LDB2: variants seen among roughly 807,000 people sequenced by gnomAD.
LDB2 encodes LIM domain binding 2, also known as LIM domain-binding protein 2.
LDB2 carries 12 observed loss-of-function variants against 44.3 expected under a neutral mutation model. The observed-to-expected ratio is 0.27, with a 90% CI of 0.17 to 0.44. The LOEUF is 0.44. LDB2 is among the 20% of genes least tolerant of loss of function. The pLI, the probability that LDB2 is intolerant of heterozygous loss-of-function variation, is 1.00. For synonymous variants in LDB2, 164 were observed against 174.8 expected (o/e 0.94, Z 0.49); for missense variants, 344 against 473.5 (o/e 0.73, Z 2.54).
intron 2 of LDB2, among the ~76,000 whole-genome samples, chr4:16,735,394 A>G (rs1373210207): frequency 3.9e-5 from 6 of 152,066 alleles, no homozygotes; most frequent in Non-Finnish European, 7.4e-5. Context: ...TAAATAAATG[A>G]GTAAGAAAGA....
At chr4:16,856,605 T>C (rs80314633) in intron 1 of LDB2, among the ~76,000 whole-genome samples, 329 of 152,332 alleles carry the variant, frequency 2.2e-3, no homozygotes, top group African/African-American at 7.0e-3. Flanking sequence ...ATAGCTGTGT[T>C]ACAATAAAAC....
intron 5 of LDB2, among the ~76,000 whole-genome samples, chr4:16,523,319 T>G (rs999616082): frequency 6.6e-6 from 1 of 152,198 alleles, no homozygotes; most frequent in Non-Finnish European, 1.5e-5. Flanking sequence ...CAAGAATTTC[T>G]TTATCTTTCT....
chr4:16,638,312 C>T (rs1450782772), intron 2 of LDB2, among the ~76,000 whole-genome samples: 1 of 152,222 alleles, frequency 6.6e-6, no homozygotes, highest in Admixed American at 6.5e-5. Context: ...GTGACATCCT[C>T]AAGTGCTGTA....
Position 16,542,100 on chromosome 4 carries a change from G to GT in LDB2, c.616-29997dup, listed in dbSNP as rs1179885914. Among the ~76,000 whole-genome samples, 7 of 100,326 alleles carry GT rather than the reference G, an allele frequency of 7.0e-5. 1 individual carries two copies. In the East Asian group the frequency reaches 1.1e-3, roughly 16 times the overall value. 65.8% of individuals were successfully genotyped at this position (100,326 alleles called of 152,430 possible). A position where few individuals can be genotyped will look rare whatever the true frequency, so the allele number is the denominator to read the frequency against. On this transcript the variant is annotated intron_variant, in intron 5 of 7. Transcript: ENST00000304523. ...ATCCTCCTTCCAATTACATCAGGTGGTGGGGGGGGGGGCGCGAGCAGGAGG... is the reference window on the plus strand; with the variant it reads ...ATCCTCCTTCCAATTACATCAGGTGGTTGGGGGGGGGGGCGCGAGCAGGAGG...
At chr4:16,620,853 G>A (rs1165969066) in intron 2 of LDB2, among the ~76,000 whole-genome samples, 2 of 152,180 alleles carry the variant, frequency 1.3e-5, no homozygotes, top group African/African-American at 4.8e-5. Flanking sequence ...TTTGCCTGAA[G>A]ACATAAGCCA....
At chr4:16,874,804 A>T (rs1717879987) in intron 1 of LDB2, among the ~76,000 whole-genome samples, 1 of 152,234 alleles carries the variant, frequency 6.6e-6, no homozygotes, top group Admixed American at 6.5e-5. Flanking sequence ...CTAAACCATT[A>T]GACCCTGAGT....
At chr4:16,622,907 T>A (rs1210522916) in intron 2 of LDB2, among the ~76,000 whole-genome samples, 2 of 152,230 alleles carry the variant, frequency 1.3e-5, no homozygotes, top group African/African-American at 4.8e-5. Flanking sequence ...TGATCTCAAC[T>A]CTGATTAACT....
intron 6 of LDB2, among the ~76,000 whole-genome samples, chr4:16,509,766 A>C (rs923196978): frequency 2.0e-5 from 3 of 152,190 alleles, no homozygotes; most frequent in African/African-American, 7.2e-5. Context: ...GATGGAGAGA[A>C]GGCAACTCAG....
At chr4:16,700,457 C>T (rs1014830294) in intron 2 of LDB2, among the ~76,000 whole-genome samples, 4 of 152,190 alleles carry the variant, frequency 2.6e-5, no homozygotes, top group Admixed American at 6.5e-5. Context: ...ACCCAGCCCC[C>T]CATTTCACTT....
chr4:16,826,693 G>C (rs893522996), intron 1 of LDB2: 5 of 152,056 alleles, frequency 3.3e-5, no homozygotes, highest in Admixed American at 3.3e-4. Context: ...ACCGTGAAAA[G>C]GGAAAATCCT....
chr4:16,585,437 A>T (rs1482418101), intron 5 of LDB2, among the ~76,000 whole-genome samples: 1 of 152,102 alleles, frequency 6.6e-6, no homozygotes, highest in Admixed American at 6.5e-5. Flanking sequence ...CCCACCACCA[A>T]ATCTGTTACA....
intron 2 of LDB2, among the ~76,000 whole-genome samples, chr4:16,748,446 T>C (rs1244205695): frequency 6.6e-6 from 1 of 152,194 alleles, no homozygotes; most frequent in African/African-American, 2.4e-5. Context: ...GATTAAACAA[T>C]AAATAAAACA....
At chr4:16,511,119 A>G (rs1234114500) in intron 6 of LDB2, among the ~76,000 whole-genome samples, 3 of 152,154 alleles carry the variant, frequency 2.0e-5, no homozygotes, top group African/African-American at 7.2e-5. Flanking sequence ...TGCTATATTC[A>G]TTTTACATAA....
At chr4:16,632,402 C>T (rs570089305) in intron 2 of LDB2, among the ~76,000 whole-genome samples, 35 of 152,286 alleles carry the variant, frequency 2.3e-4, no homozygotes, top group African/African-American at 7.9e-4. Flanking sequence ...TAAAAACTCT[C>T]AATAAATTAG....
intron 2 of LDB2, among the ~76,000 whole-genome samples, chr4:16,664,201 T>C (rs1220753550): frequency 6.6e-6 from 1 of 152,124 alleles, no homozygotes; most frequent in Non-Finnish European, 1.5e-5. Flanking sequence ...GAGCCCTTAT[T>C]AAAGAAGCTT....
intron 7 of LDB2, chr4:16,506,160 TAACTC>T: frequency 1.7e-6 from 1 of 574,322 alleles, no homozygotes; most frequent in Non-Finnish European, 3.0e-6. Context: ...ATAGTGTTGA[TAACTC>T]AGTAGACAGG....
intron 1 of LDB2, among the ~76,000 whole-genome samples, chr4:16,809,925 A>G (rs1246165432): frequency 6.6e-6 from 1 of 152,216 alleles, no homozygotes; most frequent in East Asian, 1.9e-4. Flanking sequence ...ATAACTAACA[A>G]GTACTGCACA....
intron 1 of LDB2, among the ~76,000 whole-genome samples, chr4:16,778,351 G>A (rs748101211): frequency 1.3e-5 from 2 of 151,976 alleles, no homozygotes; most frequent in African/African-American, 4.8e-5. Context: ...TCATGTCTAC[G>A]AAACTCCTCT....
intron 2 of LDB2, among the ~76,000 whole-genome samples, chr4:16,691,953 C>T (rs1468450486): frequency 2.6e-5 from 4 of 152,238 alleles, no homozygotes; most frequent in Admixed American, 6.5e-5. Context: ...ATTACTGATG[C>T]TATTTGCGAT....
Sources: allele counts gnomAD v4.1 joint callset (sites outside exome capture counted in the v4.1 genomes callset), GRCh38; gene constraint gnomAD v4.1.1; transcripts MANE v1.5; gene names NCBI Gene and HGNC (gene_info 2026-07-23, HGNC 2026-07-21).